The following MID2 variants were observed in gnomAD, a reference collection of about 807,000 sequenced individuals.
The protein encoded by MID2 is midline 2.
Under a neutral mutation model 46.1 loss-of-function variants are expected in MID2, and 13 were observed. That is an observed-to-expected ratio of 0.28 (90% CI 0.18 to 0.45). The LOEUF (loss-of-function observed/expected upper bound fraction) is 0.45, where lower values mean the gene tolerates loss of function less well. MID2 is among the 20% of genes least tolerant of loss of function. MID2 has a pLI of 1.00. For synonymous variants in MID2, 199 were observed against 212.3 expected, an observed-to-expected ratio of 0.94 and a Z score of 0.55; for missense variants, 431 against 575.4, an observed-to-expected ratio of 0.75 and a Z score of 2.57.
intron 4 of MID2, 128 bp from the exon 5 acceptor site, chrX:107,905,350 A>G (rs1807083790): frequency 3.8e-6 from 2 of 532,120 alleles, no homozygotes; most frequent in East Asian, 3.7e-5. Flanking sequence ...TAGTACAGGG[A>G]CCATGGAATA....
At chrX:107,867,701 T>C (rs1248048615) in intron 3 of MID2, among the ~76,000 whole-genome samples, 2 of 111,426 alleles carry the variant, frequency 1.8e-5, no homozygotes, top group Non-Finnish European at 1.9e-5. Context: ...TTGAATTATA[T>C]TTATGAGGTA....
chrX:107,909,794 T>G (rs866063267), intron 5 of MID2, among the ~76,000 whole-genome samples: 1 of 112,721 alleles, frequency 8.9e-6, no homozygotes, highest in Admixed American at 9.3e-5. Flanking sequence ...ATTATTGTGT[T>G]GAGACGTTCA....
At chrX:107,878,380 G>C (rs1165813149) in intron 3 of MID2, among the ~76,000 whole-genome samples, 2 of 110,280 alleles carry the variant, frequency 1.8e-5, no homozygotes, top group African/African-American at 6.6e-5. Flanking sequence ...GTTGGGGTGG[G>C]GGTGGGGATG....
rs1933224037 is a variant in MID2 at position 107,928,400 on chromosome X, A to G, written c.*1327A>G. ...TGAAGGGAATGGAGCCTTGTAGTCT[A>G]TGATTTTTTTTTTTAAATTTCCATC... On this transcript the variant is annotated 3_prime_UTR_variant, in exon 10 of 10. Transcript: ENST00000262843. 9.0e-6 allele frequency among the ~76,000 whole-genome samples: 1 copy of G among 111,179 alleles called. No individual in the cohort carries two copies. The highest frequency in any genetic ancestry group is 3.8e-4 in the South Asian group (1 of 2,632).
chrX:107,925,199 T>C (rs1933150565), intron 8 of MID2, among the ~76,000 whole-genome samples: 2 of 112,377 alleles, frequency 1.8e-5, no homozygotes, highest in South Asian at 7.4e-4. Flanking sequence ...CTGTCTGACT[T>C]CTGCTTCCAT....
At chrX:107,859,171 C>T (rs1354455138) in intron 3 of MID2, among the ~76,000 whole-genome samples, 1 of 111,604 alleles carries the variant, frequency 9.0e-6, no homozygotes, top group African/African-American at 3.3e-5. Flanking sequence ...TAATAGATGT[C>T]TGGCTGCTTC....
intron 5 of MID2, among the ~76,000 whole-genome samples, chrX:107,909,045 G>A (rs1932861293): frequency 9.0e-6 from 1 of 111,495 alleles, no homozygotes; most frequent in Admixed American, 9.5e-5. Context: ...TGCCTATCAG[G>A]TAATTTTTTA....
At chrX:107,843,607 C>T (rs376372368) in intron 2 of MID2, among the ~76,000 whole-genome samples, 1 of 110,905 alleles carries the variant, frequency 9.0e-6, no homozygotes, top group African/African-American at 3.3e-5. Flanking sequence ...CTGTGTGGTT[C>T]GTTATGTTGT....
chrX:107,830,596 A>G (rs1931069754), intron 1 of MID2, among the ~76,000 whole-genome samples: 1 of 112,204 alleles, frequency 8.9e-6, no homozygotes, highest in Admixed American at 9.4e-5. Flanking sequence ...ATTTTGATAA[A>G]TGAAATTTTG....
intron 3 of MID2, among the ~76,000 whole-genome samples, chrX:107,858,785 G>A (rs1053317619): frequency 2.7e-5 from 3 of 112,213 alleles, no homozygotes; most frequent in Non-Finnish European, 5.6e-5. Flanking sequence ...ACACTTTCCT[G>A]TATATTTTGT....
chrX:107,876,773 A>G (rs1386498808), intron 3 of MID2, among the ~76,000 whole-genome samples: 1 of 112,019 alleles, frequency 8.9e-6, no homozygotes, highest in Non-Finnish European at 1.9e-5. Flanking sequence ...TACTTGGGTT[A>G]TATTCTGGAA....
In MID2 at chrX:107,862,062, A is replaced by G. The variant is rs770030699; in HGVS notation, c.816+7358A>G. ...TGGACTAATAATACATTGAAGAGAA[A>G]GGCAATACATGTAAAGTACCTGCTA... is the stretch of plus-strand genomic sequence containing the variant. On this transcript the variant is annotated intron_variant, in intron 3 of 9. Transcript: ENST00000262843. Among the ~76,000 whole-genome samples the G allele has an allele frequency of 3.5e-4, 39 of 112,080 alleles. No individual in the cohort carries two copies. The South Asian group carries it at 5.2e-3, about 15-fold the overall frequency.
intron 3 of MID2, among the ~76,000 whole-genome samples, chrX:107,857,184 G>C (rs1485278561): frequency 8.9e-6 from 1 of 111,819 alleles, no homozygotes; most frequent in Non-Finnish European, 1.9e-5. Flanking sequence ...TTCTGTCTTT[G>C]ATGACAGGGA....
At chrX:107,894,299 A>G (rs755085120) in intron 3 of MID2, among the ~76,000 whole-genome samples, 4 of 110,914 alleles carry the variant, frequency 3.6e-5, no homozygotes, top group Non-Finnish European at 5.7e-5. Flanking sequence ...TGTAAGTACA[A>G]TCTTTTATGC....
intron 3 of MID2, among the ~76,000 whole-genome samples, chrX:107,870,303 T>C (rs995172482): frequency 1.8e-5 from 2 of 110,540 alleles, no homozygotes; most frequent in African/African-American, 3.3e-5. Flanking sequence ...CATTTTTAGG[T>C]TTCTGATATT....
chrX:107,876,917 A>G (rs1209999269), intron 3 of MID2, among the ~76,000 whole-genome samples: 4 of 111,459 alleles, frequency 3.6e-5, no homozygotes, highest in Admixed American at 1.9e-4. Context: ...GAGAGGCAGG[A>G]GTGAGACTGG....
In MID2 at chrX:107,928,143, C is replaced by G. The variant is rs1443930008; in HGVS notation, c.*1070C>G. On this transcript the variant is annotated 3_prime_UTR_variant, in exon 10 of 10. Coordinates refer to ENST00000262843, the MANE Select transcript of MID2 (RefSeq NM_012216.4). Reference sequence around the variant, plus strand: ...GAAGGCTCTTTAGGAACCTACTTTACTTAATCAGTAAAAATTGAGTATTAT... The same window carrying G: ...GAAGGCTCTTTAGGAACCTACTTTAGTTAATCAGTAAAAATTGAGTATTAT... Among the ~76,000 whole-genome samples, 1 of 112,185 alleles carries G rather than the reference C, an allele frequency of 8.9e-6. No homozygotes were observed. The highest frequency in any genetic ancestry group is 3.2e-5 in the African/African-American group (1 of 30,899).
intron 3 of MID2, chrX:107,895,638 C>T (rs1031266058): frequency 1.2e-4 from 13 of 112,030 alleles, no homozygotes; most frequent in African/African-American, 3.6e-4. Flanking sequence ...TATGACCATT[C>T]GTGTAAGGTT....
chrX:107,926,624 G>A lies in MID2; in HGVS notation c.1806-47G>A. ...CATATATGGTGTCTTACACAACTCAGATAATTCATAAATGTTTATTTCTCT... is the reference window on the plus strand; with the variant it reads ...CATATATGGTGTCTTACACAACTCAAATAATTCATAAATGTTTATTTCTCT... On this transcript the variant is annotated intron_variant, in intron 9 of 9. Coordinates refer to ENST00000262843, the MANE Select transcript of MID2 (RefSeq NM_012216.4). The A allele has an allele frequency of 1.8e-6, 2 of 1,122,948 alleles. 1 individual carries two copies. 92.5% of individuals were successfully genotyped at this position (1,122,948 alleles called of 1,213,427 possible). A position where few individuals can be genotyped will look rare whatever the true frequency, so the allele number is the denominator to read the frequency against.
Sources: gnomAD v4.1 joint callset for allele counts (sites outside exome capture counted in the v4.1 genomes callset) on GRCh38, gnomAD v4.1.1 for gene constraint, MANE v1.5 for transcripts, NCBI Gene and HGNC (gene_info 2026-07-23, HGNC 2026-07-21) for gene names.